The following PTPRA variants were observed in gnomAD, a reference collection of about 807,000 sequenced individuals.
PTPRA encodes protein tyrosine phosphatase receptor type A, also known as receptor-type tyrosine-protein phosphatase alpha.
A neutral mutation model predicts 104.8 loss-of-function variants in PTPRA; 25 were observed. The observed-to-expected ratio is 0.24, with a 90% CI of 0.17 to 0.33. The LOEUF (loss-of-function observed/expected upper bound fraction) is 0.33. PTPRA is among the 10% of genes least tolerant of loss of function. The probability of loss-of-function intolerance (pLI) is 1.00; values close to 1 mark genes in which losing one functional copy is unlikely to be tolerated. For missense variants in PTPRA, 765 were observed against 1,015.3 expected (o/e 0.75, Z 3.35); for synonymous variants, 323 against 368.9 (o/e 0.88, Z 1.43).
intron 9 of PTPRA, among the ~76,000 whole-genome samples, chr20:2,991,259 T>TGAG (rs2063161580): frequency 6.6e-6 from 1 of 151,472 alleles, no homozygotes; most frequent in African/African-American, 2.4e-5. Context: ...CTTGGAAGTC[T>TGAG]GAGGCTGAGG....
At position 3,005,145 on chromosome 20, in the gene PTPRA, T is replaced by C; in HGVS notation, c.828T>C (p.Pro276=). The part of the protein sequence containing the change: ...KEKNRYVNIL[P]YDHSRVHLTP... ...AAAATCGATATGTAAACATCTTGCCTTGTGAGTGTCTTTAGTGTTTCTTGG... is the reference window on the plus strand; with the variant it reads ...AAAATCGATATGTAAACATCTTGCCCTGTGAGTGTCTTTAGTGTTTCTTGG... Residue 276 remains proline (P), a splice_region_variant and synonymous_variant, in exon 10 of 24, where the codon CCT becomes CCC. Transcript: ENST00000399903. The C allele has an allele frequency of 6.3e-7, 1 of 1,584,370 alleles. No individual in the cohort carries two copies. Among genetic ancestry groups the C allele is most frequent in the Non-Finnish European group, 8.7e-7 (1 of 1,152,940 alleles).
chr20:3,035,927 C>T lies in PTPRA; in HGVS notation c.2184C>T (p.Ile728=). 6 of 1,613,650 alleles carry T rather than the reference C, an allele frequency of 3.7e-6. No individual in the cohort carries two copies. The highest frequency in any genetic ancestry group is 5.1e-6 in the Non-Finnish European group (6 of 1,180,052). The change falls in exon 22 of 24, where the codon ATC becomes ATT. Residue 728 remains isoleucine (I), a synonymous_variant. Coordinates refer to ENST00000399903, the MANE Select transcript of PTPRA (RefSeq NM_001385305.1). This position sits in a 1 kb window ranked among gnomAD's most constrained non-coding sequence, Gnocchi z 5.8. ...AGCAGCAGTCAGGGAACCACCCCAT[C>T]ACCGTGCACTGCAGGTATGGCTCAC... ...KQQQQSGNHP[I]TVHCSAGAGR...
At chr20:2,974,688 AT>A (rs767854195) in intron 5 of PTPRA, among the ~76,000 whole-genome samples, 4 of 152,024 alleles carry the variant, frequency 2.6e-5, no homozygotes, top group Non-Finnish European at 4.4e-5. Context: ...ACCCGGCCTC[AT>A]TTTGGTTTTG....
At chr20:2,897,389 T>C (rs13036965) in intron 1 of PTPRA, among the ~76,000 whole-genome samples, 1,661 of 146,910 alleles carry the variant, frequency 0.011, 18 homozygotes, top group South Asian at 0.026. Flanking sequence ...CATTTCTTTT[T>C]TTTTTTTTTT....
At position 3,032,528 on chromosome 20, in the gene PTPRA, G is replaced by T. The variant is rs184922218; in HGVS notation, c.1921-3057G>T. On this transcript the variant is annotated intron_variant, in intron 20 of 23. Transcript: ENST00000399903. Reference sequence around the variant, plus strand: ...CACGCCTGTAATCCCAGCACTTTGGGAGGCCAAGGTGGGCGGATCACAAAG... The same window carrying T: ...CACGCCTGTAATCCCAGCACTTTGGTAGGCCAAGGTGGGCGGATCACAAAG... Among the ~76,000 whole-genome samples the T allele has an allele frequency of 5.3e-5, 8 of 152,204 alleles. No individual in the cohort carries two copies. The East Asian group carries it at 1.5e-3, about 29-fold the overall frequency.
At chr20:2,910,608 T>C (rs1298296916) in intron 1 of PTPRA, among the ~76,000 whole-genome samples, 1 of 101,554 alleles carries the variant, frequency 9.8e-6, no homozygotes, top group Non-Finnish European at 1.9e-5. Flanking sequence ...TTGTTTTTTT[T>C]AATTTTTTTT....
intron 9 of PTPRA, among the ~76,000 whole-genome samples, chr20:2,993,389 T>C (rs1178037): frequency 0.24 from 36,769 of 152,186 alleles, 7,914 homozygotes; most frequent in African/African-American, 0.58. Flanking sequence ...ACTTCCTGCT[T>C]TTCATGTCTC....
intron 6 of PTPRA, among the ~76,000 whole-genome samples, chr20:2,975,584 G>A (rs976420754): frequency 2.0e-5 from 3 of 152,210 alleles, no homozygotes; most frequent in Non-Finnish European, 4.4e-5. Flanking sequence ...CTAGGCCACA[G>A]TTCCCTTTAA....
chr20:2,909,521 G>T (rs1450362521), intron 1 of PTPRA, among the ~76,000 whole-genome samples: 1 of 151,804 alleles, frequency 6.6e-6, no homozygotes, highest in African/African-American at 2.4e-5. Context: ...GGCGGAGGTT[G>T]CAGTGAGCCA....
intron 11 of PTPRA, among the ~76,000 whole-genome samples, chr20:3,015,209 CT>C (rs2148374377): frequency 6.6e-6 from 1 of 152,272 alleles, no homozygotes; most frequent in Admixed American, 6.5e-5. Flanking sequence ...CCTGTTAACA[CT>C]GAAATCTACA....
upstream of PTPRA, among the ~76,000 whole-genome samples, chr20:2,872,817 G>C (rs1279842990): frequency 2.0e-5 from 3 of 152,206 alleles, no homozygotes; most frequent in African/African-American, 7.2e-5. This position sits in a 1 kb window ranked among gnomAD's most constrained non-coding sequence, Gnocchi z 7.9. Flanking sequence ...CCCCCGCCAG[G>C]CGTATCGCAA....
intron 2 of PTPRA, among the ~76,000 whole-genome samples, chr20:2,938,537 A>G (rs1383935442): frequency 1.3e-5 from 2 of 151,366 alleles, no homozygotes; most frequent in African/African-American, 2.4e-5. Flanking sequence ...CTCTCCATTC[A>G]TTCTCTTACT....
rs773074761 is a variant in PTPRA at position 3,022,203 on chromosome 20, C to G, written c.1311C>G (p.Ala437=). The change falls in exon 15 of 24, where the codon GCC becomes GCG. Residue 437 remains alanine (A), a synonymous_variant. Coordinates refer to ENST00000399903, the MANE Select transcript of PTPRA (RefSeq NM_001385305.1). This position sits in a 1 kb window ranked among gnomAD's most constrained non-coding sequence, Gnocchi z 4.6. ...CCTGTAACCCTCAGTATGCAGGGGC[C>G]ATCGTGGTCCACTGCAGGTCAGTGT... is the stretch of plus-strand genomic sequence containing the variant. ...VKACNPQYAG[A]IVVHCSAGVG... 1.9e-6 allele frequency: 3 copies of G among 1,614,164 alleles called. No individual in the cohort carries two copies. The highest frequency in any genetic ancestry group is 3.3e-4 in the Middle Eastern group (2 of 6,062).
intron 2 of PTPRA, among the ~76,000 whole-genome samples, chr20:2,930,982 C>T (rs1389382765): frequency 2.0e-5 from 3 of 152,134 alleles, no homozygotes; most frequent in African/African-American, 7.2e-5. Flanking sequence ...GAATCTAACA[C>T]TTTAGGAAGA....
At chr20:2,923,361 A>G (rs2060167293) in intron 2 of PTPRA, 76 bp downstream of exon 2, 1 of 1,036,132 alleles carries the variant, frequency 9.7e-7, no homozygotes, top group Non-Finnish European at 1.3e-6. Context: ...CTAACATCAC[A>G]TGCTTTCCTG....
chr20:2,909,499 T>C (rs2059544919), intron 1 of PTPRA, among the ~76,000 whole-genome samples: 1 of 151,750 alleles, frequency 6.6e-6, no homozygotes, highest in Non-Finnish European at 1.5e-5. Flanking sequence ...GGAGAATTGC[T>C]TCAACCCAGG....
the PTPRA span, among the ~76,000 whole-genome samples, chr20:2,867,570 G>C: frequency 6.4e-5 from 3 of 46,786 alleles, no homozygotes; most frequent in Admixed American, 2.5e-4. Flanking sequence ...CTAGCCCTCC[G>C]TTGGCACTCC....
intron 1 of PTPRA, among the ~76,000 whole-genome samples, chr20:2,892,066 G>T (rs2058816547): frequency 6.6e-6 from 1 of 152,048 alleles, no homozygotes; most frequent in South Asian, 2.1e-4. Flanking sequence ...GGGGTGGGAG[G>T]ATTGCCTGAG....
intron 2 of PTPRA, among the ~76,000 whole-genome samples, chr20:2,929,928 A>C (rs1009525472): frequency 6.6e-6 from 1 of 152,216 alleles, no homozygotes; most frequent in Admixed American, 6.5e-5. Context: ...AAATTTGTAC[A>C]CGCAGACATC....
Sources: gnomAD v4.1 joint callset for allele counts (sites outside exome capture counted in the v4.1 genomes callset) on GRCh38, gnomAD v4.1.1 for gene constraint, Gnocchi (gnomAD v3.1) non-coding constraint, MANE v1.5 for transcripts, NCBI Gene and HGNC (gene_info 2026-07-23, HGNC 2026-07-21) for gene names.